The following CDH8 variants were observed in gnomAD, a reference collection of about 807,000 sequenced individuals.
CDH8 encodes the protein cadherin 8.
CDH8 carries 17 observed loss-of-function variants against 68.1 expected under a neutral mutation model. The ratio of observed to expected loss-of-function variants is 0.25; its 90% CI spans 0.17 to 0.37. The LOEUF is 0.37. Among genes scored for constraint, CDH8 ranks in the 10% least tolerant of loss-of-function variants. The pLI is 1.00. For missense variants in CDH8, 763 were observed against 999.3 expected (o/e 0.76, Z 3.19); for synonymous variants, 372 against 365.1 (o/e 1.02, Z -0.21).
chr16:61,684,542 T>C (rs1053175760), intron 10 of CDH8, among the ~76,000 whole-genome samples: 5 of 152,036 alleles, frequency 3.3e-5, no homozygotes, highest in African/African-American at 1.2e-4. Context: ...GCATATGCTA[T>C]GTAAAAATTT....
chr16:61,964,063 C>A (rs1965204556), intron 2 of CDH8, among the ~76,000 whole-genome samples: 1 of 152,152 alleles, frequency 6.6e-6, no homozygotes, highest in Non-Finnish European at 1.5e-5. Flanking sequence ...TTAAGCCAAA[C>A]AACTTACAAT....
chr16:61,769,319 T>G (rs1235758872), intron 8 of CDH8, among the ~76,000 whole-genome samples: 1 of 151,848 alleles, frequency 6.6e-6, no homozygotes, highest in Non-Finnish European at 1.5e-5. Context: ...TTACTCACTT[T>G]AAGACTAATT....
At chr16:61,718,363 T>C (rs1412056760) in intron 9 of CDH8, among the ~76,000 whole-genome samples, 1 of 151,436 alleles carries the variant, frequency 6.6e-6, no homozygotes, top group Non-Finnish European at 1.5e-5. Flanking sequence ...TTCCAAGGCT[T>C]CTAGAATATA....
At chr16:61,823,003 T>C (rs1348733660) in intron 5 of CDH8, among the ~76,000 whole-genome samples, 2 of 151,978 alleles carry the variant, frequency 1.3e-5, no homozygotes, top group Non-Finnish European at 2.9e-5. Context: ...CATTTTCTTA[T>C]AATGAAATAT....
At chr16:61,701,219 C>T (rs1964423142) in intron 10 of CDH8, among the ~76,000 whole-genome samples, 1 of 152,038 alleles carries the variant, frequency 6.6e-6, no homozygotes, top group Non-Finnish European at 1.5e-5. Flanking sequence ...AATTGAAGTC[C>T]CTACTTTGTT....
intron 4 of CDH8, among the ~76,000 whole-genome samples, chr16:61,825,427 A>G (rs1962309465): frequency 1.3e-5 from 2 of 151,924 alleles, no homozygotes; most frequent in African/African-American, 4.8e-5. Context: ...GCAAAAATAT[A>G]CATTAGAAAG....
intron 2 of CDH8, among the ~76,000 whole-genome samples, chr16:61,942,269 G>A (rs1964736870): frequency 6.6e-6 from 1 of 152,096 alleles, no homozygotes; most frequent in African/African-American, 2.4e-5. Context: ...AAGGTGAAAG[G>A]ATCACTTCTG....
intron 8 of CDH8, among the ~76,000 whole-genome samples, chr16:61,758,765 A>T (rs1960387712): frequency 6.6e-6 from 1 of 152,158 alleles, no homozygotes; most frequent in Non-Finnish European, 1.5e-5. Flanking sequence ...CAAATTAAGA[A>T]AGAGTCTCAG....
chr16:61,873,685 C>T (rs1057395238), intron 3 of CDH8, among the ~76,000 whole-genome samples: 7 of 152,128 alleles, frequency 4.6e-5, no homozygotes, highest in Non-Finnish European at 8.8e-5. Flanking sequence ...TGATATAACT[C>T]TGTTTTTCAA....
chr16:61,922,890 A>T (rs1300712157), intron 2 of CDH8, among the ~76,000 whole-genome samples: 3 of 152,250 alleles, frequency 2.0e-5, no homozygotes, highest in South Asian at 2.1e-4. Context: ...TTGAGAATAG[A>T]TGAATATAGT....
chr16:61,976,940 G>T (rs188601628), intron 2 of CDH8, among the ~76,000 whole-genome samples: 1 of 152,096 alleles, frequency 6.6e-6, no homozygotes, highest in Non-Finnish European at 1.5e-5. Context: ...AAAACAGTGC[G>T]GAATGCAGAC....
At chr16:61,706,794 T>A (rs1964544398) in intron 10 of CDH8, among the ~76,000 whole-genome samples, 3 of 152,188 alleles carry the variant, frequency 2.0e-5, no homozygotes, top group African/African-American at 7.2e-5. Context: ...GTTCTATATT[T>A]AGCATACAAG....
chr16:61,833,988 C>T (rs1307280160), intron 4 of CDH8, among the ~76,000 whole-genome samples: 1 of 151,858 alleles, frequency 6.6e-6, no homozygotes, highest in African/African-American at 2.4e-5. Flanking sequence ...AAAGCCATGT[C>T]ATAATTATCG....
At position 61,655,607 on chromosome 16, in the gene CDH8, C is replaced by T. The variant is rs1300392397; in HGVS notation, c.1769G>A (p.Ser590Asn). The stretch of plus-strand genomic sequence containing the variant: ...GCCACAGACCCTGATTGTCAAGGTG[C>T]TAGTGCTGCTCAGTGGAGGATTTCC... ...DSGNPPLSST[S>N]TLTIRVCGCS... is the part of the protein sequence containing the mutation. The change falls in exon 11 of 12, where the codon AGC (serine) becomes AAC (asparagine). Residue 590 changes from serine to asparagine, a missense_variant. This residue lies in a region of CDH8 where 397 missense variants were observed against 436.2 expected (regional missense o/e 0.91). Coordinates refer to ENST00000577390, the MANE Select transcript of CDH8 (RefSeq NM_001796.5). 2.5e-6 allele frequency: 4 copies of T among 1,614,192 alleles called. No homozygotes were observed. The highest frequency in any genetic ancestry group is 1.1e-5 in the South Asian group (1 of 91,086).
At chr16:61,746,959 G>A (rs1279719293) in intron 8 of CDH8, among the ~76,000 whole-genome samples, 1 of 152,100 alleles carries the variant, frequency 6.6e-6, no homozygotes, top group Non-Finnish European at 1.5e-5. Flanking sequence ...TGAATGATTA[G>A]CAGAACTGGC....
intron 3 of CDH8, among the ~76,000 whole-genome samples, chr16:61,872,327 G>T (rs1469716226): frequency 6.6e-6 from 1 of 151,994 alleles, no homozygotes; most frequent in Non-Finnish European, 1.5e-5. Context: ...CAAGGTGGTT[G>T]GGATACAGAT....
At chr16:62,029,833 C>A (rs994360587) in intron 1 of CDH8, among the ~76,000 whole-genome samples, 1 of 152,168 alleles carries the variant, frequency 6.6e-6, no homozygotes, top group South Asian at 2.1e-4. Flanking sequence ...AGATAATGCT[C>A]GTCAGAGATT....
In CDH8 at chr16:61,960,183, ATG is replaced by A. The variant is rs758939097; in HGVS notation, c.253-58712_253-58711del. On this transcript the variant is annotated intron_variant, in intron 2 of 11. Transcript: ENST00000577390. ...TGTGTATACACATACATATATACATATGTGTGTGTATACACATACATATATAC... is the reference window on the plus strand; with the variant it reads ...TGTGTATACACATACATATATACATATGTGTGTATACACATACATATATAC... 6.2e-4 allele frequency among the ~76,000 whole-genome samples: 30 copies of A among 48,352 alleles called. 1 individual carries two copies. Among genetic ancestry groups the A allele is most frequent in the East Asian group, 1.4e-3 (3 of 2,084 alleles). The allele number at this position is 48,352 out of a possible 152,430, so 31.7% of individuals were successfully genotyped here.
intron 10 of CDH8, among the ~76,000 whole-genome samples, chr16:61,676,502 A>G (rs1018428558): frequency 2.6e-5 from 4 of 152,058 alleles, no homozygotes; most frequent in Non-Finnish European, 4.4e-5. Context: ...ATGGATTAAC[A>G]GAATAAAGTA....
Sources: gnomAD v4.1 joint callset for allele counts (sites outside exome capture counted in the v4.1 genomes callset) on GRCh38, gnomAD v4.1.1 for gene constraint, gnomAD v4.1.1 regional missense constraint, MANE v1.5 for transcripts, NCBI Gene and HGNC (gene_info 2026-07-23, HGNC 2026-07-21) for gene names.